The following LMOD1 variants were observed in gnomAD, a reference collection of about 807,000 sequenced individuals.
LMOD1 encodes leiomodin 1.
In LMOD1, 8 loss-of-function variants were observed where a neutral mutation model predicts 36.5. The observed-to-expected ratio is 0.22, with a 90% CI of 0.13 to 0.40. The LOEUF is 0.40. Ranked by LOEUF, LMOD1 falls within the 10% of genes least tolerant of loss-of-function variation. LMOD1 has a pLI of 1.00. For synonymous variants in LMOD1, 284 were observed against 288.7 expected (o/e 0.98, Z 0.17); for missense variants, 630 against 751.1 (o/e 0.84, Z 1.88).
intron 1 of LMOD1, among the ~76,000 whole-genome samples, chr1:201,901,511 A>ATATATATATATATATATATGTATAT (rs1553295628): frequency 4.0e-5 from 3 of 75,204 alleles, no homozygotes; most frequent in South Asian, 4.1e-4. Context: ...TCAAAAAAAA[A>ATATATATATATATATATATGTATAT]ATATATATAT....
chr1:201,924,160 CA>C lies in LMOD1; in HGVS notation c.261+21919del, dbSNP rs569997969. 2.8e-3 allele frequency among the ~76,000 whole-genome samples: 391 copies of C among 137,198 alleles called. 1 individual carries two copies. Among genetic ancestry groups the C allele is most frequent in the Middle Eastern group, 0.019 (5 of 260 alleles). 90.0% of individuals were successfully genotyped at this position (137,198 alleles called of 152,430 possible). A position where few individuals can be genotyped will look rare whatever the true frequency, so the allele number is the denominator to read the frequency against. On this transcript the variant is annotated intron_variant, in intron 1 of 2. Transcript: ENST00000367288. ...TGAAACCCCATCTCTAATAAAATAC[CA>C]AAAAAAAAAAAAATTAGCCGGGAGC...
At chr1:201,917,975 A>T (rs1454383733) in intron 1 of LMOD1, among the ~76,000 whole-genome samples, 2 of 152,230 alleles carry the variant, frequency 1.3e-5, no homozygotes, top group African/African-American at 2.4e-5. Flanking sequence ...CCAGGGCCCC[A>T]TGCTCAGAGG....
chr1:201,933,038 A>C (rs1464101621), intron 1 of LMOD1, among the ~76,000 whole-genome samples: 2 of 152,240 alleles, frequency 1.3e-5, no homozygotes, highest in Non-Finnish European at 2.9e-5. Context: ...GACTGGAAAC[A>C]ACCCAAATGT....
At chr1:201,914,259 G>A (rs982884738) in intron 1 of LMOD1, among the ~76,000 whole-genome samples, 3 of 152,322 alleles carry the variant, frequency 2.0e-5, no homozygotes, top group Non-Finnish European at 4.4e-5. Flanking sequence ...CCCACGTGGT[G>A]CCGTCCACTG....
At chr1:201,903,543 G>A (rs537164791) in intron 1 of LMOD1, among the ~76,000 whole-genome samples, 68 of 152,344 alleles carry the variant, frequency 4.5e-4, no homozygotes, top group African/African-American at 1.5e-3. Context: ...AAGGAGAGGA[G>A]TATGCAAATA....
chr1:201,908,705 A>G (rs1415293376), intron 1 of LMOD1, among the ~76,000 whole-genome samples: 7 of 152,042 alleles, frequency 4.6e-5, no homozygotes, highest in Admixed American at 4.6e-4. Context: ...GAGTAAGAAC[A>G]CTCAGCAAGG....
Position 201,900,059 on chromosome 1 carries a change from A to G in LMOD1, c.954T>C (p.Phe318=). Residue 318 remains phenylalanine (F), a synonymous_variant, in exon 2 of 3, where the codon TTT becomes TTC. Transcript: ENST00000367288. Reference sequence around the variant, plus strand: ...TCTTCACTCTCTCCAGAGGCTCATCAAATATGCTGGGAGCTGCCTCCTCCT... The same window carrying G: ...TCTTCACTCTCTCCAGAGGCTCATCGAATATGCTGGGAGCTGCCTCCTCCT... ...KVEEEAAPSI[F]DEPLERVKNN... 1 of 1,613,642 alleles carries G rather than the reference A, an allele frequency of 6.2e-7. No homozygotes were observed. The highest frequency in any genetic ancestry group is 1.3e-5 in the African/African-American group (1 of 74,976).
intron 1 of LMOD1, among the ~76,000 whole-genome samples, chr1:201,916,402 T>C (rs1361678834): frequency 6.6e-6 from 1 of 151,996 alleles, no homozygotes; most frequent in Non-Finnish European, 1.5e-5. Flanking sequence ...TAGCCCTAGC[T>C]ACCTGGGAGG....
intron 1 of LMOD1, among the ~76,000 whole-genome samples, chr1:201,911,960 G>A (rs556608577): frequency 3.9e-5 from 6 of 152,332 alleles, no homozygotes; most frequent in Admixed American, 3.9e-4. Flanking sequence ...ACAGAGCAGG[G>A]CCTGTGGAGG....
intron 1 of LMOD1, among the ~76,000 whole-genome samples, chr1:201,929,948 G>A (rs941803569): frequency 6.6e-5 from 10 of 152,206 alleles, no homozygotes; most frequent in African/African-American, 2.2e-4. Flanking sequence ...GGTCCGGAAA[G>A]CCTCTAGAGA....
chr1:201,911,628 G>A (rs1287291256), intron 1 of LMOD1, among the ~76,000 whole-genome samples: 1 of 152,162 alleles, frequency 6.6e-6, no homozygotes, highest in Non-Finnish European at 1.5e-5. Flanking sequence ...TCATGCCACT[G>A]CACTCTAGCC....
At chr1:201,911,028 G>T (rs998716727) in intron 1 of LMOD1, among the ~76,000 whole-genome samples, 1 of 151,948 alleles carries the variant, frequency 6.6e-6, no homozygotes, top group Non-Finnish European at 1.5e-5. Context: ...TGCTCCCCAC[G>T]GTCACAGTGA....
intron 1 of LMOD1, among the ~76,000 whole-genome samples, chr1:201,935,998 C>T (rs1180450634): frequency 2.7e-5 from 4 of 149,834 alleles, no homozygotes; most frequent in African/African-American, 9.8e-5. Flanking sequence ...GCCTGTAATC[C>T]TGGCTACTCA....
chr1:201,916,081 C>G (rs564010589), intron 1 of LMOD1, among the ~76,000 whole-genome samples: 1 of 151,998 alleles, frequency 6.6e-6, no homozygotes. Context: ...CCACACCCAG[C>G]GGATTTTTGT....
In LMOD1 at chr1:201,925,296, G is replaced by A. The variant is rs181739517; in HGVS notation, c.261+20784C>T. On this transcript the variant is annotated intron_variant, in intron 1 of 2. Transcript: ENST00000367288. ...CCTCAGATTCTTCACCTGTCAAGTA[G>A]ATTAAAATTTACCTCCCCTGTCTAC... is the stretch of plus-strand genomic sequence containing the variant. Among the ~76,000 whole-genome samples the A allele has an allele frequency of 2.4e-3, 361 of 152,192 alleles. 6 individuals are homozygous for A. The highest frequency in any genetic ancestry group is 0.022 in the Admixed American group (342 of 15,282).
intron 1 of LMOD1, among the ~76,000 whole-genome samples, chr1:201,911,022 C>T (rs1024075671): frequency 2.0e-5 from 3 of 152,000 alleles, no homozygotes; most frequent in African/African-American, 7.3e-5. Flanking sequence ...ATGCTGTGCT[C>T]CCCACGGTCA....
rs1312326651 is a variant in LMOD1, at chr1:201,897,620, G to C, written c.*752C>G. The C allele has an allele frequency of 6.5e-6, 1 of 152,726 alleles. No homozygotes were observed. Among genetic ancestry groups the C allele is most frequent in the African/African-American group, 2.4e-5 (1 of 41,462 alleles). The allele number at this position is 152,726 out of a possible 1,614,324, so 9.5% of individuals were successfully genotyped here. Reference sequence around the variant, plus strand: ...TCAGGACTCACAGTTCAGGACAACAGGTGGGGCACAGCCATTCACAGCTAA... The same window carrying C: ...TCAGGACTCACAGTTCAGGACAACACGTGGGGCACAGCCATTCACAGCTAA... On this transcript the variant is annotated 3_prime_UTR_variant, in exon 3 of 3. Transcript: ENST00000367288.
chr1:201,945,646 C>G (rs1035846707), intron 1 of LMOD1, among the ~76,000 whole-genome samples: 2 of 152,104 alleles, frequency 1.3e-5, no homozygotes, highest in African/African-American at 4.8e-5. Context: ...GAGTTATTCT[C>G]CCACAAAAAA....
intron 1 of LMOD1, among the ~76,000 whole-genome samples, chr1:201,930,805 G>A (rs1681905056): frequency 6.6e-6 from 1 of 152,240 alleles, no homozygotes; most frequent in Non-Finnish European, 1.5e-5. Context: ...AGGAGATTAA[G>A]AAGGAACAGC....
Sources: allele counts gnomAD v4.1 joint callset (sites outside exome capture counted in the v4.1 genomes callset), GRCh38; gene constraint gnomAD v4.1.1; transcripts MANE v1.5; gene names NCBI Gene and HGNC (gene_info 2026-07-23, HGNC 2026-07-21).